The following SZT2 variants were observed in gnomAD, a reference collection of about 807,000 sequenced individuals.
SZT2 encodes KICSTOR complex protein SZT2.
In SZT2, 216 loss-of-function variants were observed where a neutral mutation model predicts 404.2. The ratio of observed to expected loss-of-function variants is 0.53; its 90% CI spans 0.48 to 0.60. The LOEUF (loss-of-function observed/expected upper bound fraction) is 0.60, where lower values mean the gene tolerates loss of function less well. Among genes scored for constraint, SZT2 ranks in the 20% least tolerant of loss-of-function variants. The pLI, the probability that SZT2 is intolerant of heterozygous loss-of-function variation, is 0.00. For missense variants in SZT2, 3,857 were observed against 4,459.2 expected, an observed-to-expected ratio of 0.86 and a Z score of 3.85; for synonymous variants, 1,693 against 1,749.9, an observed-to-expected ratio of 0.97 and a Z score of 0.81.
rs1204028693 is a variant in SZT2 at position 43,453,715 on chromosome 1, C to A, written c.*3235C>A. 1 of 1,398,524 alleles carries A rather than the reference C, an allele frequency of 7.2e-7. No individual in the cohort carries two copies. The highest frequency in any genetic ancestry group is 9.2e-7 in the Non-Finnish European group (1 of 1,087,018). 86.6% of individuals were successfully genotyped at this position (1,398,524 alleles called of 1,614,324 possible). On this transcript the variant is annotated 3_prime_UTR_variant, in exon 72 of 72. Coordinates refer to ENST00000634258, the MANE Select transcript of SZT2 (RefSeq NM_001365999.1). ...ACGGCCTCGAAGCCCGAGCTGCCCG[C>A]GGCCCGCACCCGCGCGGGGAGGCCG...
intron 4 of SZT2, among the ~76,000 whole-genome samples, chr1:43,407,989 C>T (rs566840447): frequency 4.0e-5 from 6 of 151,656 alleles, no homozygotes; most frequent in East Asian, 2.0e-4. Flanking sequence ...CCCGCCACCA[C>T]GCCCGGCTAA....
In SZT2 at chr1:43,448,820, C is replaced by A; in HGVS notation, c.10086+92C>A. On this transcript the variant is annotated intron_variant, in intron 70 of 71. Transcript: ENST00000634258. This position sits in a 1 kb window ranked among gnomAD's most constrained non-coding sequence, Gnocchi z 4.2. ...CCTCAGCCTGACCAAACAAGCTCTG[C>A]TCTGGAGGGAGGCCTAGACAGAACG... is the stretch of plus-strand genomic sequence containing the variant. 1 of 1,226,452 alleles carries A rather than the reference C, an allele frequency of 8.2e-7. No homozygotes were observed. Among genetic ancestry groups the A allele is most frequent in the Non-Finnish European group, 1.2e-6 (1 of 831,186 alleles). The allele number at this position is 1,226,452 out of a possible 1,614,324, so 76.0% of individuals were successfully genotyped here. A position where few individuals can be genotyped will look rare whatever the true frequency, so the allele number is the denominator to read the frequency against.
At chr1:43,438,849 C>G (rs773942473) in intron 47 of SZT2, 32 bp downstream of exon 47, 1 of 1,611,356 alleles carries the variant, frequency 6.2e-7, no homozygotes, top group South Asian at 1.1e-5. Context: ...AGCATCCTTC[C>G]CAGACTCAGC....
chr1:43,438,990 G>C lies in SZT2; in HGVS notation c.6689G>C (p.Cys2230Ser), dbSNP rs1654762729. ...CTGCATCTGGCCCTACCCACCTCCT[G>C]CAGGCCCTGGCTTCCAGCCCTGGCA... ...EVLHLALPTS[C>S]RPWLPALAWY... The change falls in exon 48 of 72, where the codon TGC becomes TCC. Residue 2230 changes from cysteine (C) to serine (S), a missense_variant. By Grantham distance (112) the Cys-to-Ser change is moderately radical. Coordinates refer to ENST00000634258, the MANE Select transcript of SZT2 (RefSeq NM_001365999.1). 1.9e-6 allele frequency: 3 copies of C among 1,614,158 alleles called. No homozygotes were observed. The East Asian group carries it at 6.7e-5, about 36-fold the overall frequency.
rs1655845089 is a variant in SZT2 at position 43,447,690 on chromosome 1, A to G, written c.9432A>G (p.Ala3144=). The G allele has an allele frequency of 3.7e-6, 6 of 1,613,856 alleles. No homozygotes were observed. Among genetic ancestry groups the G allele is most frequent in the Non-Finnish European group, 4.2e-6 (5 of 1,179,954 alleles). The change falls in exon 67 of 72, where the codon GCA becomes GCG. Residue 3144 remains alanine (A), a synonymous_variant. Transcript: ENST00000634258. Reference sequence around the variant, plus strand: ...ACAACGAGTATGCCCTGGTGTCGGCATGGCACAGGTAAGGCTGAGAGGGGC... The same window carrying G: ...ACAACGAGTATGCCCTGGTGTCGGCGTGGCACAGGTAAGGCTGAGAGGGGC... ...PEHNEYALVS[A]WHSSGSYLDS...
In SZT2 at chr1:43,450,740, T is replaced by A; in HGVS notation, c.*260T>A. 1 of 701,458 alleles carries A rather than the reference T, an allele frequency of 1.4e-6. No individual in the cohort carries two copies. The allele number at this position is 701,458 out of a possible 1,614,324, so 43.5% of individuals were successfully genotyped here. On this transcript the variant is annotated 3_prime_UTR_variant, in exon 72 of 72. Transcript: ENST00000634258. The surrounding 1 kb of genome is among the most constrained non-coding windows in gnomAD (Gnocchi z 4.3). ...CAACCCCGAGGACCCCTTGGGCCCTTCTGGGGTACTCCTTTCGGCCCCCCT... is the reference window on the plus strand; with the variant it reads ...CAACCCCGAGGACCCCTTGGGCCCTACTGGGGTACTCCTTTCGGCCCCCCT...
chr1:43,419,851 C>T lies in SZT2; in HGVS notation c.997C>T (p.Pro333Ser), dbSNP rs773484115. Residue 333 changes from proline to serine, a missense_variant, in exon 8 of 72, where the codon CCA (proline) becomes TCA (serine). Physicochemically the swap from Pro to Ser is moderately conservative, Grantham distance 74 (BLOSUM62 -1). Transcript: ENST00000634258. ...SYLSTCPEPE[P>S]GNLGLTVYHR... ...CCTGTCCACTTGTCCTGAGCCGGAGCCAGGCAACCTGGGTCTGACTGTCTA... is the reference window on the plus strand; with the variant it reads ...CCTGTCCACTTGTCCTGAGCCGGAGTCAGGCAACCTGGGTCTGACTGTCTA... 3.8e-6 allele frequency: 6 copies of T among 1,598,460 alleles called. No individual in the cohort carries two copies. Among genetic ancestry groups the T allele is most frequent in the Non-Finnish European group, 5.1e-6 (6 of 1,179,804 alleles).
In SZT2 at chr1:43,453,545, C is replaced by G. The variant is rs945890860; in HGVS notation, c.*3065C>G. The G allele has an allele frequency of 1.3e-6, 2 of 1,521,792 alleles. No individual in the cohort carries two copies. The highest frequency in any genetic ancestry group is 2.5e-5 in the South Asian group (2 of 79,442). 94.3% of individuals were successfully genotyped at this position (1,521,792 alleles called of 1,614,324 possible). A position where few individuals can be genotyped will look rare whatever the true frequency, so the allele number is the denominator to read the frequency against. On this transcript the variant is annotated 3_prime_UTR_variant, in exon 72 of 72. Transcript: ENST00000634258. ...CCCCCGGCTCGGACACTCCCCTGCC[C>G]GCGCCCCGGCACCCCCCAGCCCTCC...
At chr1:43,440,649 C>G (rs1654969505) in intron 52 of SZT2, 63 bp downstream of exon 52, 2 of 1,475,368 alleles carry the variant, frequency 1.4e-6, no homozygotes, top group South Asian at 2.9e-5. Flanking sequence ...TCCTCCCACA[C>G]TCCCTCCTGC....
In SZT2 at chr1:43,443,388, C is replaced by T. The variant is rs59805633; in HGVS notation, c.8536C>T (p.Leu2846=). ...GGAGACCCTGAAGCAGTCATCCCGC[C>T]TGGTGCATTACTGTGCAACAGCCAT... ...ELETLKQSSR[L]VHYCATAMLF... is the part of the protein sequence containing the mutation. Residue 2846 remains leucine (L), a synonymous_variant, in exon 61 of 72, where the codon CTG becomes TTG. Coordinates refer to ENST00000634258, the MANE Select transcript of SZT2 (RefSeq NM_001365999.1). 6.2e-7 allele frequency: 1 copy of T among 1,614,110 alleles called. No individual in the cohort carries two copies. The highest frequency in any genetic ancestry group is 8.5e-7 in the Non-Finnish European group (1 of 1,180,042).
At chr1:43,428,620 G>A (rs544735392) in intron 28 of SZT2, 134 bp downstream of exon 28, 83 of 1,286,852 alleles carry the variant, frequency 6.4e-5, no homozygotes, top group Non-Finnish European at 8.1e-5. Context: ...CTTTGTCGCC[G>A]GCTCACGGAC....
chr1:43,452,728 A>G lies in SZT2; in HGVS notation c.*2248A>G, dbSNP rs1656576973. On this transcript the variant is annotated 3_prime_UTR_variant, in exon 72 of 72. Coordinates refer to ENST00000634258, the MANE Select transcript of SZT2 (RefSeq NM_001365999.1). ...CATCTGTTTTCTGCCCCCACCATTG[A>G]CCAGTAGTGATCCCCTCTTGCCAGT... 1.5e-6 allele frequency: 1 copy of G among 653,040 alleles called. No individual in the cohort carries two copies. Among genetic ancestry groups the G allele is most frequent in the Non-Finnish European group, 2.7e-6 (1 of 369,934 alleles). The allele number at this position is 653,040 out of a possible 1,614,324, so 40.5% of individuals were successfully genotyped here.
Position 43,422,611 on chromosome 1 carries a change from C to G in SZT2, c.1901C>G (p.Ser634Cys). 1 of 1,596,476 alleles carries G rather than the reference C, an allele frequency of 6.3e-7. No homozygotes were observed. Among genetic ancestry groups the G allele is most frequent in the Non-Finnish European group, 8.5e-7 (1 of 1,178,858 alleles). Residue 634 changes from serine to cysteine, a missense_variant, in exon 13 of 72, where the codon TCT (serine) becomes TGT (cysteine). Physicochemically the swap from Ser to Cys is moderately radical, Grantham distance 112. This residue lies in a region of SZT2 where 1,725 missense variants were observed against 1,881.0 expected (regional missense o/e 0.92). Transcript: ENST00000634258. ...WSSFVLVEGY[S>C]YVKLLSSAPD... ...AGCTTCGTACTAGTCGAGGGCTATT[C>G]TTATGTTAAGCTGCTCTCCAGGTGG...
chr1:43,411,572 CAGA>C (rs1651044948), intron 4 of SZT2, among the ~76,000 whole-genome samples: 1 of 152,168 alleles, frequency 6.6e-6, no homozygotes, highest in African/African-American at 2.4e-5. Context: ...GGGCAGGAAC[CAGA>C]AGAACAGTTT....
intron 36 of SZT2, 66 bp downstream of exon 36, chr1:43,431,967 G>A: frequency 6.4e-7 from 1 of 1,571,374 alleles, no homozygotes. Context: ...CCCAGGCACA[G>A]GACTGGAAGG....
Position 43,451,841 on chromosome 1 carries a change from G to A in SZT2, c.*1361G>A. On this transcript the variant is annotated 3_prime_UTR_variant, in exon 72 of 72. Transcript: ENST00000634258. ...GGGTCTTCCTACCTTCTGTAAGATG[G>A]CTGCCGCTGTAAGAGAAGCCAGGGA... 1 of 1,613,952 alleles carries A rather than the reference G, an allele frequency of 6.2e-7. No individual in the cohort carries two copies. The highest frequency in any genetic ancestry group is 8.5e-7 in the Non-Finnish European group (1 of 1,179,946).
Position 43,447,050 on chromosome 1 carries a change from G to T in SZT2, c.9168G>T (p.Gln3056His). The stretch of plus-strand genomic sequence containing the variant: ...ACTTCCATCTGCGCCTCGTGCATCA[G>T]CACGTGCTAGGTGCCCATCTGGTGC... ...SYDFHLRLVH[Q>H]HVLGAHLVLR... is the part of the protein sequence containing the mutation. Residue 3056 changes from glutamine to histidine, a missense_variant, in exon 66 of 72, where the codon CAG becomes CAT. By Grantham distance (24) the Gln-to-His change is conservative. This residue lies in a region of SZT2 where 717 missense variants were observed against 868.2 expected (regional missense o/e 0.83). Transcript: ENST00000634258. 6.2e-7 allele frequency: 1 copy of T among 1,613,926 alleles called. No homozygotes were observed. Among genetic ancestry groups the T allele is most frequent in the African/African-American group, 1.3e-5 (1 of 75,062 alleles).
At chr1:43,435,728 A>C (rs1654390128) in intron 42 of SZT2, 1 of 168,008 alleles carries the variant, frequency 6.0e-6, no homozygotes, top group African/African-American at 2.4e-5. Context: ...GCTTGTTTAT[A>C]TTCTATAGGG....
chr1:43,442,887 G>A lies in SZT2; in HGVS notation c.8220G>A (p.Leu2740=). 6.2e-7 allele frequency: 1 copy of A among 1,614,034 alleles called. No homozygotes were observed. The highest frequency in any genetic ancestry group is 8.5e-7 in the Non-Finnish European group (1 of 1,179,946). The change falls in exon 59 of 72, where the codon CTG becomes CTA. Residue 2740 remains leucine, a synonymous_variant. Coordinates refer to ENST00000634258, the MANE Select transcript of SZT2 (RefSeq NM_001365999.1). This position sits in a 1 kb window ranked among gnomAD's most constrained non-coding sequence, Gnocchi z 4.5. The part of the protein sequence containing the change: ...ETLIRSASPP[L]SREQGRLSGS... ...TCATCCGGAGTGCAAGTCCCCCGCT[G>A]AGCCGTGAGCAGGGCCGACTGAGTG...
Sources: gnomAD v4.1 joint callset for allele counts (sites outside exome capture counted in the v4.1 genomes callset) on GRCh38, gnomAD v4.1.1 for gene constraint, gnomAD v4.1.1 regional missense constraint, Gnocchi (gnomAD v3.1) non-coding constraint, MANE v1.5 for transcripts, NCBI Gene and HGNC (gene_info 2026-07-23, HGNC 2026-07-21) for gene names.